Variants in NOTCH1 observed in about 807,000 individuals in gnomAD.
NOTCH1 encodes the protein notch receptor 1.
NOTCH1 carries 37 observed loss-of-function variants against 254.8 expected under a neutral mutation model. That is an observed-to-expected ratio of 0.15 (90% CI 0.11 to 0.19). The LOEUF (loss-of-function observed/expected upper bound fraction) is 0.19, where lower values mean the gene tolerates loss of function less well. Ranked by LOEUF, NOTCH1 falls within the 10% of genes least tolerant of loss-of-function variation. The probability of loss-of-function intolerance (pLI) is 1.00; values close to 1 mark genes in which losing one functional copy is unlikely to be tolerated. For synonymous variants in NOTCH1, 1,731 were observed against 1,618.1 expected, an observed-to-expected ratio of 1.07 and a Z score of -1.68; for missense variants, 2,972 against 3,708.6, an observed-to-expected ratio of 0.80 and a Z score of 5.16.
At chr9:136,508,529 A>C in intron 19 of NOTCH1, 144 bp from the exon 20 acceptor site, 1 of 1,185,290 alleles carries the variant, frequency 8.4e-7, no homozygotes, top group Non-Finnish European at 1.2e-6. Flanking sequence ...TGGACTCCCC[A>C]CCACCCCCAC....
At chr9:136,530,440 C>T (rs557421361) in intron 2 of NOTCH1, among the ~76,000 whole-genome samples, 71 of 152,322 alleles carry the variant, frequency 4.7e-4, no homozygotes, top group Non-Finnish European at 9.0e-4. Context: ...GACATGGGAA[C>T]GGCTGTCTGC....
At chr9:136,504,440 T>C (rs1843044937) in intron 26 of NOTCH1, among the ~76,000 whole-genome samples, 1 of 152,222 alleles carries the variant, frequency 6.6e-6, no homozygotes, top group African/African-American at 2.4e-5. Flanking sequence ...GGGAAGGCAG[T>C]GGCCCAGGAA....
chr9:136,495,681 C>T lies in NOTCH1; in HGVS notation c.*390G>A. On this transcript the variant is annotated 3_prime_UTR_variant, in exon 34 of 34. Coordinates refer to ENST00000651671, the MANE Select transcript of NOTCH1 (RefSeq NM_017617.5). ...TGCTCGTTCAACTTCCCTTCTCCAA[C>T]ATCATTTCTTTTTGGATTTTGAAAA... is the stretch of plus-strand genomic sequence containing the variant. 1 of 410,488 alleles carries T rather than the reference C, an allele frequency of 2.4e-6. No homozygotes were observed. Among genetic ancestry groups the T allele is most frequent in the South Asian group, 1.0e-4 (1 of 9,806 alleles). 25.4% of individuals were successfully genotyped at this position (410,488 alleles called of 1,614,324 possible).
At chr9:136,507,279 C>A (rs772762489) in intron 22 of NOTCH1, 26 bp downstream of exon 22, 1 of 1,612,726 alleles carries the variant, frequency 6.2e-7, no homozygotes, top group South Asian at 1.1e-5. Flanking sequence ...ATGGCCAACA[C>A]CAGCCCTCCG....
At chr9:136,507,682 G>A (rs879306116) in intron 21 of NOTCH1, among the ~76,000 whole-genome samples, 27 of 152,168 alleles carry the variant, frequency 1.8e-4, no homozygotes, top group African/African-American at 6.3e-4. Context: ...TAGAGGTGAG[G>A]GCCTCAGGGT....
intron 1 of NOTCH1, among the ~76,000 whole-genome samples, chr9:136,544,732 C>G (rs1191569360): frequency 2.0e-5 from 3 of 152,132 alleles, no homozygotes; most frequent in African/African-American, 7.2e-5. Context: ...GGGACGCGGC[C>G]CCGCCTCCGC....
Position 136,499,102 on chromosome 9 carries a change from G to A in NOTCH1, c.6082+10C>T, listed in dbSNP as rs114120958. On this transcript the variant is annotated intron_variant, in intron 32 of 33. Transcript: ENST00000651671. ...CCCACGACAGAGCAGCCGTGCCCCC[G>A]TGGGCTCACCCAGGTCATCTACGGC... 1.0e-4 allele frequency: 163 copies of A among 1,612,966 alleles called. No individual in the cohort carries two copies. Among genetic ancestry groups the A allele is most frequent in the African/African-American group, 5.3e-4 (40 of 75,068 alleles).
chr9:136,513,259 C>G lies in NOTCH1; in HGVS notation c.2354-125G>C. The G allele has an allele frequency of 2.0e-6, 3 of 1,494,446 alleles. No homozygotes were observed. The highest frequency in any genetic ancestry group is 2.8e-6 in the Non-Finnish European group (3 of 1,080,676). The allele number at this position is 1,494,446 out of a possible 1,614,324, so 92.6% of individuals were successfully genotyped here. A position where few individuals can be genotyped will look rare whatever the true frequency, so the allele number is the denominator to read the frequency against. ...CTCCTCATCTCCAAGAGCCAGAGGCCTGGAGCTAAGGCTTTGCCACGGGAG... is the reference window on the plus strand; with the variant it reads ...CTCCTCATCTCCAAGAGCCAGAGGCGTGGAGCTAAGGCTTTGCCACGGGAG... On this transcript the variant is annotated intron_variant, in intron 14 of 33. Coordinates refer to ENST00000651671, the MANE Select transcript of NOTCH1 (RefSeq NM_017617.5). This position sits in a 1 kb window ranked among gnomAD's most constrained non-coding sequence, Gnocchi z 4.7.
At position 136,519,482 on chromosome 9, in the gene NOTCH1, C is replaced by T. The variant is rs369721921; in HGVS notation, c.826G>A (p.Val276Met). Residue 276 changes from valine to methionine, a missense_variant, in exon 5 of 34, where the codon GTG (valine) becomes ATG (methionine). Physicochemically the swap from Val to Met is conservative, Grantham distance 21. This residue lies in a region of NOTCH1 where 374 missense variants were observed against 496.3 expected (regional missense o/e 0.75). Coordinates refer to ENST00000651671, the MANE Select transcript of NOTCH1 (RefSeq NM_017617.5). ...CKNGGACVDG[V>M]NTYNCRCPPE... is the part of the protein sequence containing the mutation. ...GGGCAGCGGCAGTTGTAGGTGTTCA[C>T]GCCGTCCACACAGGCACCCCCGTTC... 53 of 1,612,982 alleles carry T rather than the reference C, an allele frequency of 3.3e-5. No individual in the cohort carries two copies. Among genetic ancestry groups the T allele is most frequent in the Non-Finnish European group, 4.3e-5 (51 of 1,179,956 alleles).
At chr9:136,509,272 C>A (rs762794568) in intron 18 of NOTCH1, among the ~76,000 whole-genome samples, 25 of 152,228 alleles carry the variant, frequency 1.6e-4, no homozygotes, top group Non-Finnish European at 2.5e-4. Context: ...CACCTCCCTC[C>A]CCTGCTTTCT....
rs764636339 is a variant in NOTCH1 at position 136,523,919 on chromosome 9, G to T, written c.201C>A (p.Pro67=). 1.3e-6 allele frequency: 2 copies of T among 1,598,504 alleles called. No homozygotes were observed. The highest frequency in any genetic ancestry group is 3.5e-5 in the Admixed American group (2 of 57,560). The change falls in exon 3 of 34, where the codon CCC becomes CCA. Residue 67 remains proline (P), a synonymous_variant. Transcript: ENST00000651671. ...CQDPNPCLST[P]CKNAGTCHVV... Reference sequence around the variant, plus strand: ...CGTGGCATGTCCCGGCGTTCTTGCAGGGGGTGCTGAGGCACGGGTTGGGGT... The same window carrying T: ...CGTGGCATGTCCCGGCGTTCTTGCATGGGGTGCTGAGGCACGGGTTGGGGT...
intron 27 of NOTCH1, chr9:136,502,976 T>G: frequency 9.5e-6 from 7 of 739,910 alleles, no homozygotes; most frequent in Non-Finnish European, 1.7e-5. Context: ...CTGGACTCGT[T>G]CCCAGGTGGC....
In NOTCH1 at chr9:136,502,183, G is replaced by T; in HGVS notation, c.5384+89C>A. The T allele has an allele frequency of 1.9e-6, 3 of 1,572,802 alleles. 1 individual carries two copies. The South Asian group carries it at 3.4e-5, about 18-fold the overall frequency. On this transcript the variant is annotated intron_variant, in intron 28 of 33. Coordinates refer to ENST00000651671, the MANE Select transcript of NOTCH1 (RefSeq NM_017617.5). ...GGGCCTGGCGTGGGAGGTGGGCCCT[G>T]GGTCGGGAGGGGCAGACTCCCGGTG...
Position 136,509,214 on chromosome 9 carries a change from C to A in NOTCH1, c.2970-143G>T. The A allele has an allele frequency of 3.9e-6, 3 of 773,528 alleles. No homozygotes were observed. In the South Asian group the frequency reaches 5.2e-5, roughly 13 times the overall value. 47.9% of individuals were successfully genotyped at this position (773,528 alleles called of 1,614,324 possible). On this transcript the variant is annotated intron_variant, in intron 18 of 33. Coordinates refer to ENST00000651671, the MANE Select transcript of NOTCH1 (RefSeq NM_017617.5). Reference sequence around the variant, plus strand: ...GACAGGCCCAGGGCAGCCTGGCTGACCCAGGGAGGCCAGTGGGAACCCGGG... The same window carrying A: ...GACAGGCCCAGGGCAGCCTGGCTGAACCAGGGAGGCCAGTGGGAACCCGGG...
chr9:136,536,601 A>G (rs2133396700), intron 2 of NOTCH1, among the ~76,000 whole-genome samples: 1 of 152,246 alleles, frequency 6.6e-6, no homozygotes, highest in Admixed American at 6.5e-5. Context: ...TTTGGTCTGG[A>G]GCTCCCTGCC....
intron 2 of NOTCH1, among the ~76,000 whole-genome samples, chr9:136,536,295 C>T (rs985912853): frequency 6.6e-6 from 1 of 152,178 alleles, no homozygotes; most frequent in South Asian, 2.1e-4. Context: ...TGGCGCTTCC[C>T]CGTCCCAAGG....
intron 4 of NOTCH1, chr9:136,522,483 TGCCCCC>T: frequency 1.1e-5 from 3 of 279,512 alleles, no homozygotes; most frequent in Admixed American, 9.8e-5. Context: ...GAAGTGATGG[TGCCCCC>T]GCAGCTCCCA....
At chr9:136,500,911 G>C (rs1009253425) in intron 30 of NOTCH1, 64 bp from the exon 31 acceptor site, 2 of 1,506,766 alleles carry the variant, frequency 1.3e-6, no homozygotes, top group Non-Finnish European at 8.9e-7. Flanking sequence ...CCAGGGGGAG[G>C]GGGGCAGCAG....
chr9:136,507,183 A>G, intron 22 of NOTCH1, 122 bp downstream of exon 22: 1 of 1,559,666 alleles, frequency 6.4e-7, no homozygotes. Context: ...CCTTGGCCTC[A>G]CACAGGAAAA....
Sources: allele counts gnomAD v4.1 joint callset (sites outside exome capture counted in the v4.1 genomes callset), GRCh38; gene constraint gnomAD v4.1.1; regional missense constraint gnomAD v4.1.1; non-coding constraint Gnocchi (gnomAD v3.1); transcripts MANE v1.5; gene names NCBI Gene and HGNC (gene_info 2026-07-23, HGNC 2026-07-21).